The following NECTIN3 variants were observed in gnomAD, a reference collection of about 807,000 sequenced individuals.
The protein encoded by NECTIN3 is nectin-3.
NECTIN3 carries 8 observed loss-of-function variants against 49.4 expected under a neutral mutation model. The observed-to-expected ratio is 0.16, with a 90% CI of 0.10 to 0.29. The LOEUF (loss-of-function observed/expected upper bound fraction) is 0.29, where lower values mean the gene tolerates loss of function less well. Among genes scored for constraint, NECTIN3 ranks in the 10% least tolerant of loss-of-function variants. The pLI is 1.00. For synonymous variants in NECTIN3, 277 were observed against 241.1 expected (o/e 1.15, Z -1.38); for missense variants, 581 against 654.6 (o/e 0.89, Z 1.23).
At chr3:111,072,823 A>C in intron 1 of NECTIN3, 1 of 398,930 alleles carries the variant, frequency 2.5e-6, no homozygotes, top group African/African-American at 2.1e-5. Context: ...ATTTTACCAA[A>C]CCGCAGGAAC....
At chr3:111,095,533 T>C (rs1211242293) in intron 1 of NECTIN3, among the ~76,000 whole-genome samples, 1 of 152,224 alleles carries the variant, frequency 6.6e-6, no homozygotes, top group African/African-American at 2.4e-5. Context: ...TCTGGTTATA[T>C]TCAGCCTCCT....
intron 3 of NECTIN3, among the ~76,000 whole-genome samples, chr3:111,119,154 A>G (rs1197563399): frequency 6.6e-6 from 1 of 152,228 alleles, no homozygotes; most frequent in South Asian, 2.1e-4. Flanking sequence ...TCTCCAACTT[A>G]AAATTATATA....
chr3:111,171,453 G>T (rs988568823), intron 7 of NECTIN3, among the ~76,000 whole-genome samples: 3 of 152,210 alleles, frequency 2.0e-5, no homozygotes, highest in Admixed American at 6.5e-5. Context: ...GAAAGGGGCT[G>T]AGCAAGTGTG....
intron 1 of NECTIN3, among the ~76,000 whole-genome samples, chr3:111,079,782 A>G (rs1047889417): frequency 6.6e-6 from 1 of 151,874 alleles, no homozygotes; most frequent in African/African-American, 2.4e-5. Flanking sequence ...TGCCAACACA[A>G]TCTTTGAGAA....
intron 1 of NECTIN3, among the ~76,000 whole-genome samples, chr3:111,081,781 A>G (rs2031621410): frequency 1.3e-5 from 2 of 152,176 alleles, no homozygotes; most frequent in South Asian, 4.2e-4. Flanking sequence ...GACCACTGAG[A>G]TGAGGACTCT....
chr3:111,133,561 A>G lies in NECTIN3; in HGVS notation c.1070-74A>G, dbSNP rs962316655. 5.3e-6 allele frequency: 8 copies of G among 1,516,584 alleles called. No individual in the cohort carries two copies. In the Admixed American group the frequency reaches 1.3e-4, roughly 25 times the overall value. 93.9% of individuals were successfully genotyped at this position (1,516,584 alleles called of 1,614,324 possible). A position where few individuals can be genotyped will look rare whatever the true frequency, so the allele number is the denominator to read the frequency against. On this transcript the variant is annotated intron_variant, in intron 5 of 5. Transcript: ENST00000485303. ...ATTCATTAACTGTGCTGTCTTGTCAACTTGCTGCTGAATCAGCCTGCATTG... is the reference window on the plus strand; with the variant it reads ...ATTCATTAACTGTGCTGTCTTGTCAGCTTGCTGCTGAATCAGCCTGCATTG...
intron 6 of NECTIN3, chr3:111,147,297 T>C: frequency 6.1e-6 from 5 of 820,522 alleles, no homozygotes; most frequent in Non-Finnish European, 7.6e-6. Context: ...ATTATCTATA[T>C]AATATGAGGA....
intron 1 of NECTIN3, among the ~76,000 whole-genome samples, chr3:111,102,218 A>G (rs1458285021): frequency 1.3e-5 from 2 of 152,158 alleles, no homozygotes; most frequent in African/African-American, 2.4e-5. Context: ...AGAATGTACA[A>G]TTTTAAGGTG....
At chr3:111,110,061 C>T (rs1011540233) in intron 1 of NECTIN3, among the ~76,000 whole-genome samples, 7 of 151,974 alleles carry the variant, frequency 4.6e-5, no homozygotes, top group Non-Finnish European at 1.0e-4. Context: ...ATACATTTTG[C>T]ATATGTTTAT....
chr3:111,075,337 T>G (rs1279597989), intron 1 of NECTIN3: 1 of 152,136 alleles, frequency 6.6e-6, no homozygotes, highest in Non-Finnish European at 1.5e-5. Flanking sequence ...TTCCCTGTCC[T>G]TCCCTCCCTT....
chr3:111,149,470 TGTGTGTG>T, intron 7 of NECTIN3, among the ~76,000 whole-genome samples: 1 of 136,910 alleles, frequency 7.3e-6, no homozygotes, highest in East Asian at 2.1e-4. Context: ...TGTGTGTGTG[TGTGTGTG>T]TGTGTGTGTG....
At chr3:111,104,673 T>C (rs2033091229) in intron 1 of NECTIN3, among the ~76,000 whole-genome samples, 1 of 152,096 alleles carries the variant, frequency 6.6e-6, no homozygotes, top group Non-Finnish European at 1.5e-5. Context: ...TTTTGGGAGT[T>C]CTTTATGTGT....
chr3:111,098,040 A>T (rs1252725943), intron 1 of NECTIN3, among the ~76,000 whole-genome samples: 2 of 152,156 alleles, frequency 1.3e-5, no homozygotes, highest in African/African-American at 2.4e-5. Flanking sequence ...TCTAGTCTAG[A>T]TTCTTCCTTT....
At position 111,136,110 on chromosome 3, in the gene NECTIN3, A is replaced by C. The variant is rs2034566348; in HGVS notation, c.*1895A>C. ...TGGCCAGAAGAAAGATGGGTCTAAAATTTCTCCCCATGAAAGATGTAAAAC... is the reference window on the plus strand; with the variant it reads ...TGGCCAGAAGAAAGATGGGTCTAAACTTTCTCCCCATGAAAGATGTAAAAC... On this transcript the variant is annotated 3_prime_UTR_variant, in exon 6 of 6. Transcript: ENST00000485303. 2.0e-6 allele frequency: 2 copies of C among 983,654 alleles called. No individual in the cohort carries two copies. The highest frequency in any genetic ancestry group is 9.4e-5 in the South Asian group (2 of 21,256). 60.9% of individuals were successfully genotyped at this position (983,654 alleles called of 1,614,324 possible).
intron 1 of NECTIN3, among the ~76,000 whole-genome samples, chr3:111,082,890 G>A (rs1251062355): frequency 6.6e-6 from 1 of 152,146 alleles, no homozygotes; most frequent in Admixed American, 6.5e-5. Flanking sequence ...CAGATCATCA[G>A]GCATTAGATT....
Position 111,135,469 on chromosome 3 carries a change from A to G in NECTIN3, c.*1254A>G. ...GAGAAAGAAATGTTACCTAAACTTC[A>G]AATGTGCTTTTTGTTTGTGAGGTAA... On this transcript the variant is annotated 3_prime_UTR_variant, in exon 6 of 6. Coordinates refer to ENST00000485303, the MANE Select transcript of NECTIN3 (RefSeq NM_015480.3). 4.2e-6 allele frequency: 4 copies of G among 954,598 alleles called. No individual in the cohort carries two copies. The highest frequency in any genetic ancestry group is 5.0e-6 in the Non-Finnish European group (4 of 802,052). The allele number at this position is 954,598 out of a possible 1,614,324, so 59.1% of individuals were successfully genotyped here. A position where few individuals can be genotyped will look rare whatever the true frequency, so the allele number is the denominator to read the frequency against.
intron 1 of NECTIN3, among the ~76,000 whole-genome samples, chr3:111,098,856 C>T (rs1473091133): frequency 1.3e-5 from 2 of 151,366 alleles, no homozygotes; most frequent in Admixed American, 6.6e-5. Flanking sequence ...AAGGAGCATG[C>T]TTCATCTCCT....
At chr3:111,143,933 AAAAC>A (rs1276035873) in intron 5 of NECTIN3, among the ~76,000 whole-genome samples, 2 of 152,086 alleles carry the variant, frequency 1.3e-5, no homozygotes, top group Admixed American at 1.3e-4. Flanking sequence ...AAGAAAGACA[AAAAC>A]AAAATCAGAT....
intron 3 of NECTIN3, among the ~76,000 whole-genome samples, chr3:111,119,515 A>G (rs926105888): frequency 2.0e-5 from 3 of 152,160 alleles, no homozygotes; most frequent in Admixed American, 6.6e-5. Context: ...TATTTTTAGT[A>G]CAGATGGGGT....
Sources: allele counts gnomAD v4.1 joint callset (sites outside exome capture counted in the v4.1 genomes callset), GRCh38; gene constraint gnomAD v4.1.1; transcripts MANE v1.5; gene names NCBI Gene and HGNC (gene_info 2026-07-23, HGNC 2026-07-21).